NEBL: variants seen among roughly 807,000 people sequenced by gnomAD.
NEBL encodes the protein nebulette, also known as LIM and SH3 protein 2.
A neutral mutation model predicts 140.2 loss-of-function variants in NEBL; 122 were observed. The observed-to-expected ratio is 0.87, with a 90% CI of 0.75 to 1.01. The LOEUF is 1.01. Ranked by LOEUF, NEBL falls within the 50% of genes least tolerant of loss-of-function variation. The probability of loss-of-function intolerance (pLI) is 0.00; values close to 1 mark genes in which losing one functional copy is unlikely to be tolerated. For synonymous variants in NEBL, 436 were observed against 398.9 expected (o/e 1.09, Z -1.11); for missense variants, 1,365 against 1,231.3 (o/e 1.11, Z -1.62).
chr10:21,132,693 G>A (rs1839167682), intron 2 of NEBL, among the ~76,000 whole-genome samples: 1 of 152,178 alleles, frequency 6.6e-6, no homozygotes, highest in South Asian at 2.1e-4. Flanking sequence ...GAGTTATGAA[G>A]TGTCTCATTG....
chr10:21,174,181 G>A, exon 1 of NEBL: 2 of 374,070 alleles, frequency 5.3e-6, no homozygotes, highest in Non-Finnish European at 7.5e-6. Flanking sequence ...CGCCGCCGCC[G>A]CGCAGGCCAA....
intron 1 of NEBL, among the ~76,000 whole-genome samples, chr10:21,278,597 A>T (rs1420668322): frequency 6.6e-6 from 1 of 151,882 alleles, no homozygotes; most frequent in African/African-American, 2.4e-5. Context: ...TCCAACAGAG[A>T]CTCTCCACCT....
At chr10:21,014,045 G>A (rs1292350889) in intron 3 of NEBL, among the ~76,000 whole-genome samples, 3 of 152,240 alleles carry the variant, frequency 2.0e-5, no homozygotes, top group Non-Finnish European at 4.4e-5. Flanking sequence ...CTCCCCAAAA[G>A]TGCCTTAAAA....
Position 21,216,063 on chromosome 10 carries a change from G to T in NEBL, n.348+31858C>A, listed in dbSNP as rs111439058. On this transcript the variant is annotated intron_variant and non_coding_transcript_variant, in intron 3 of 8. Coordinates refer to the NEBL transcript ENST00000675702. ...TAAGACAGGTTCACATCACAGTTCCGCCCCTGATTCTAGGCCGTCATTCAT... is the reference window on the plus strand; with the variant it reads ...TAAGACAGGTTCACATCACAGTTCCTCCCCTGATTCTAGGCCGTCATTCAT... Among the ~76,000 whole-genome samples, 219 of 152,120 alleles carry T rather than the reference G, an allele frequency of 1.4e-3. 1 individual carries two copies. The highest frequency in any genetic ancestry group is 2.0e-3 in the African/African-American group (81 of 41,496).
chr10:21,051,829 A>G (rs1834791955), intron 2 of NEBL, among the ~76,000 whole-genome samples: 1 of 152,214 alleles, frequency 6.6e-6, no homozygotes, highest in African/African-American at 2.4e-5. Flanking sequence ...TATTCAATGT[A>G]TACAACTCAA....
chr10:21,227,726 C>CTTT (rs1447729274), intron 3 of NEBL, among the ~76,000 whole-genome samples: 2 of 115,366 alleles, frequency 1.7e-5, no homozygotes, highest in Admixed American at 1.7e-4. Flanking sequence ...TCTTCTTCTT[C>CTTT]TTCTTCTTCT....
chr10:21,171,058 A>G (rs1841048768), intron 2 of NEBL, among the ~76,000 whole-genome samples: 1 of 152,190 alleles, frequency 6.6e-6, no homozygotes, highest in East Asian at 1.9e-4. Flanking sequence ...ACATCAGGCC[A>G]GGTGCGGTGG....
Position 20,852,464 on chromosome 10 carries a change from C to T in NEBL, c.1008+81G>A, listed in dbSNP as rs552251169. On this transcript the variant is annotated intron_variant, in intron 10 of 27. Transcript: ENST00000377122. ...TGCAACTGTACTTTCTCAGTTAAGA[C>T]GCACGGCAGTGAGCGGCGGGCCTCA... 4.3e-5 allele frequency: 37 copies of T among 870,428 alleles called. 1 individual carries two copies. The highest frequency in any genetic ancestry group is 2.5e-4 in the Middle Eastern group (1 of 3,954). 53.9% of individuals were successfully genotyped at this position (870,428 alleles called of 1,614,324 possible). A position where few individuals can be genotyped will look rare whatever the true frequency, so the allele number is the denominator to read the frequency against.
chr10:20,971,235 T>C (rs1836555770), intron 3 of NEBL, among the ~76,000 whole-genome samples: 1 of 152,200 alleles, frequency 6.6e-6, no homozygotes, highest in Non-Finnish European at 1.5e-5. Flanking sequence ...CAAAATATTA[T>C]ATCTATATTA....
At chr10:21,099,378 T>C (rs1164742415) in intron 2 of NEBL, among the ~76,000 whole-genome samples, 1 of 152,148 alleles carries the variant, frequency 6.6e-6, no homozygotes, top group Non-Finnish European at 1.5e-5. Flanking sequence ...GGTGCCAGCC[T>C]GTGTTCTGTC....
In NEBL at chr10:21,171,999, T is replaced by G. The variant is rs1050940856; in HGVS notation, c.164+384A>C. Reference sequence around the variant, plus strand: ...ATAGCAACTAGGTTCAGGTATGAAATTGCAGTATGGCAACATCCTATGATT... The same window carrying G: ...ATAGCAACTAGGTTCAGGTATGAAAGTGCAGTATGGCAACATCCTATGATT... On this transcript the variant is annotated intron_variant, in intron 2 of 6. Transcript: ENST00000417816. 8 of 266,172 alleles carry G rather than the reference T, an allele frequency of 3.0e-5. No individual in the cohort carries two copies. The East Asian group carries it at 7.4e-4, about 25-fold the overall frequency. 16.5% of individuals were successfully genotyped at this position (266,172 alleles called of 1,614,324 possible).
chr10:20,781,802 CTT>C lies in NEBL; in HGVS notation c.*3943_*3944del, dbSNP rs1336546065. ...CAAAAGGCATGGAATACTTCAGAGA[CTT>C]TTATTTTAGCATCCTTGTCAGTTTA... On this transcript the variant is annotated 3_prime_UTR_variant, in exon 28 of 28. Transcript: ENST00000377122. 6.6e-6 allele frequency: 1 copy of C among 152,576 alleles called. No homozygotes were observed. The highest frequency in any genetic ancestry group is 2.4e-5 in the African/African-American group (1 of 41,440). 9.5% of individuals were successfully genotyped at this position (152,576 alleles called of 1,614,324 possible).
chr10:21,290,667 T>G (rs1211767110), intron 1 of NEBL, among the ~76,000 whole-genome samples: 1 of 152,134 alleles, frequency 6.6e-6, no homozygotes, highest in Non-Finnish European at 1.5e-5. Flanking sequence ...ACAACCTTTG[T>G]TCACAGTGCA....
At chr10:21,186,843 T>C (rs1425866011) in intron 3 of NEBL, among the ~76,000 whole-genome samples, 1 of 152,060 alleles carries the variant, frequency 6.6e-6, no homozygotes, top group Non-Finnish European at 1.5e-5. Flanking sequence ...ATAGTTGTTA[T>C]GCTGTATTGA....
At chr10:20,993,221 A>G (rs1055675015) in intron 3 of NEBL, among the ~76,000 whole-genome samples, 4 of 152,310 alleles carry the variant, frequency 2.6e-5, no homozygotes, top group Admixed American at 6.5e-5. Flanking sequence ...TTAAGAGGAT[A>G]TATTCATGCA....
At chr10:20,925,442 C>A (rs1011951617) in intron 4 of NEBL, among the ~76,000 whole-genome samples, 5 of 152,056 alleles carry the variant, frequency 3.3e-5, no homozygotes, top group African/African-American at 1.2e-4. Context: ...GTAGAGCTTC[C>A]CTGAACCCTT....
intron 1 of NEBL, among the ~76,000 whole-genome samples, chr10:21,260,783 G>C (rs1192229595): frequency 6.6e-6 from 1 of 152,176 alleles, no homozygotes; most frequent in Non-Finnish European, 1.5e-5. Flanking sequence ...CCTTGCTGAA[G>C]TTCTAGCCAC....
intron 2 of NEBL, among the ~76,000 whole-genome samples, chr10:21,074,957 C>T (rs1320015980): frequency 1.3e-5 from 2 of 151,892 alleles, no homozygotes; most frequent in African/African-American, 4.8e-5. Flanking sequence ...GCATGTACCA[C>T]CATGCCCAGC....
intron 4 of NEBL, among the ~76,000 whole-genome samples, chr10:20,905,432 G>C (rs1468009028): frequency 6.6e-6 from 1 of 152,134 alleles, no homozygotes; most frequent in Non-Finnish European, 1.5e-5. Flanking sequence ...CTTACATGGT[G>C]GCAGGCAAGA....
Sources: gnomAD v4.1 joint callset for allele counts (sites outside exome capture counted in the v4.1 genomes callset) on GRCh38, gnomAD v4.1.1 for gene constraint, MANE v1.5 for transcripts, NCBI Gene and HGNC (gene_info 2026-07-23, HGNC 2026-07-21) for gene names.